GAB1: variants seen among roughly 807,000 people sequenced by gnomAD.
GAB1 encodes GRB2-associated-binding protein 1.
Under a neutral mutation model 66.5 loss-of-function variants are expected in GAB1, and 19 were observed. The observed-to-expected ratio is 0.29, with a 90% CI of 0.20 to 0.42. The LOEUF (loss-of-function observed/expected upper bound fraction) is 0.42, where lower values mean the gene tolerates loss of function less well. Ranked by LOEUF, GAB1 falls within the 10% of genes least tolerant of loss-of-function variation. The pLI, the probability that GAB1 is intolerant of heterozygous loss-of-function variation, is 1.00. For missense variants in GAB1, 732 were observed against 858.5 expected (o/e 0.85, Z 1.84); for synonymous variants, 294 against 301.4 (o/e 0.98, Z 0.25).
chr4:143,362,765 AC>A (rs1182284613), intron 1 of GAB1, among the ~76,000 whole-genome samples: 1 of 152,168 alleles, frequency 6.6e-6, no homozygotes, highest in East Asian at 1.9e-4. Context: ...TGTTTTGTCA[AC>A]AAGGTCTTTG....
chr4:143,453,456 T>G (rs1735026262), intron 6 of GAB1, among the ~76,000 whole-genome samples: 1 of 151,972 alleles, frequency 6.6e-6, no homozygotes, highest in African/African-American at 2.4e-5. Flanking sequence ...CTCATACGAG[T>G]CTCCTTGGAA....
chr4:143,382,840 G>A (rs1181828584), intron 1 of GAB1, among the ~76,000 whole-genome samples: 1 of 152,068 alleles, frequency 6.6e-6, no homozygotes, highest in African/African-American at 2.4e-5. Context: ...TGATGGGTGA[G>A]AGTGCAGAGA....
At chr4:143,412,290 G>C (rs767465186) in intron 1 of GAB1, among the ~76,000 whole-genome samples, 3 of 152,080 alleles carry the variant, frequency 2.0e-5, no homozygotes, top group Non-Finnish European at 4.4e-5. Flanking sequence ...CATGTGTTTT[G>C]GTAAAGTTGT....
chr4:143,397,821 CT>C (rs34158720), intron 1 of GAB1, among the ~76,000 whole-genome samples: 1 of 152,178 alleles, frequency 6.6e-6, no homozygotes, highest in Admixed American at 6.5e-5. Context: ...TGAAATTTGA[CT>C]TTTCTTGCCT....
chr4:143,458,673 T>C (rs1435983364), intron 6 of GAB1, among the ~76,000 whole-genome samples: 1 of 152,058 alleles, frequency 6.6e-6, no homozygotes, highest in East Asian at 1.9e-4. Flanking sequence ...ATGAGGTAAA[T>C]AAAGATCACT....
chr4:143,433,374 C>T, intron 2 of GAB1, 117 bp from the exon 3 acceptor site: 1 of 699,852 alleles, frequency 1.4e-6, no homozygotes, highest in Non-Finnish European at 2.5e-6. Flanking sequence ...TTTTAGCTGA[C>T]ATTGTCATGA....
chr4:143,342,385 T>C (rs1007997138), intron 1 of GAB1, among the ~76,000 whole-genome samples: 32 of 152,178 alleles, frequency 2.1e-4, no homozygotes, highest in African/African-American at 6.3e-4. Context: ...ACTGGTTATT[T>C]CAGTGTATTT....
intron 1 of GAB1, among the ~76,000 whole-genome samples, chr4:143,348,749 C>T (rs1729071560): frequency 6.6e-6 from 1 of 152,144 alleles, no homozygotes; most frequent in African/African-American, 2.4e-5. Flanking sequence ...CTTGCATGGC[C>T]CTTTATGTGG....
At chr4:143,364,826 T>TAGAAGC (rs1440928827) in intron 1 of GAB1, among the ~76,000 whole-genome samples, 9 of 148,590 alleles carry the variant, frequency 6.1e-5, no homozygotes, top group Non-Finnish European at 1.2e-4. Context: ...TGAAAAGGAG[T>TAGAAGC]AGAAGCAGGG....
chr4:143,342,802 A>G (rs1728867991), intron 1 of GAB1, among the ~76,000 whole-genome samples: 2 of 151,642 alleles, frequency 1.3e-5, no homozygotes, highest in African/African-American at 2.4e-5. Context: ...ACCTCAGGTG[A>G]TCCGCCCGCC....
At chr4:143,422,625 G>C (rs966219571) in intron 2 of GAB1, among the ~76,000 whole-genome samples, 1 of 152,142 alleles carries the variant, frequency 6.6e-6, no homozygotes. Flanking sequence ...CAACTTTTGT[G>C]AGGGATACTA....
chr4:143,422,960 A>G (rs1181669921), intron 2 of GAB1, among the ~76,000 whole-genome samples: 2 of 152,250 alleles, frequency 1.3e-5, no homozygotes, highest in African/African-American at 4.8e-5. Flanking sequence ...AGCATTACTT[A>G]GAAAGAGCAG....
intron 8 of GAB1, among the ~76,000 whole-genome samples, chr4:143,460,720 A>T (rs28924069): frequency 2.0e-5 from 3 of 152,108 alleles, no homozygotes; most frequent in African/African-American, 7.2e-5. Flanking sequence ...CAGCAGCACA[A>T]CCCTGTAGTT....
chr4:143,439,656 A>G, intron 4 of GAB1, 146 bp from the exon 5 acceptor site: 1 of 607,146 alleles, frequency 1.6e-6, no homozygotes, highest in Non-Finnish European at 3.0e-6. Flanking sequence ...TTCAAGACAC[A>G]GTTCTATGAG....
intron 1 of GAB1, among the ~76,000 whole-genome samples, chr4:143,398,632 A>G (rs908887304): frequency 1.3e-5 from 2 of 151,996 alleles, no homozygotes; most frequent in Admixed American, 1.3e-4. Flanking sequence ...TGTCTTGAAA[A>G]TATATGTCAC....
intron 8 of GAB1, among the ~76,000 whole-genome samples, chr4:143,461,340 A>G (rs536749937): frequency 1.3e-5 from 2 of 152,310 alleles, no homozygotes; most frequent in South Asian, 4.1e-4. Context: ...GAGAGAGTCA[A>G]TCCAAGGCTG....
Position 143,439,822 on chromosome 4 carries a change from T to C in GAB1, c.1216T>C (p.Tyr406His). ...TTTAGATGCTAGTTCTCAAGACTGC[T>C]ATGATATTCCACGAGCATTTCCAAG... ...LRKDASSQDCYDIPRAFPSDR... is the reference protein window; with the variant it reads ...LRKDASSQDCHDIPRAFPSDR... The change falls in exon 5 of 10, where the codon TAT becomes CAT. Residue 406 changes from tyrosine to histidine, a missense_variant. Transcript: ENST00000262994. 6.2e-7 allele frequency: 1 copy of C among 1,612,890 alleles called. No individual in the cohort carries two copies. Among genetic ancestry groups the C allele is most frequent in the Non-Finnish European group, 8.5e-7 (1 of 1,178,894 alleles).
intron 1 of GAB1, among the ~76,000 whole-genome samples, chr4:143,358,986 T>C (rs1394239466): frequency 4.6e-5 from 7 of 152,238 alleles, no homozygotes; most frequent in African/African-American, 1.7e-4. Flanking sequence ...GTCAGCTTGC[T>C]CCTTAGCTCC....
At chr4:143,409,393 C>CG (rs940853861) in intron 1 of GAB1, among the ~76,000 whole-genome samples, 2 of 149,734 alleles carry the variant, frequency 1.3e-5, no homozygotes, top group African/African-American at 2.5e-5. Context: ...CTTTCCCCCC[C>CG]CCCGCTCTGA....
Sources: gnomAD v4.1 joint callset for allele counts (sites outside exome capture counted in the v4.1 genomes callset) on GRCh38, gnomAD v4.1.1 for gene constraint, MANE v1.5 for transcripts, NCBI Gene and HGNC (gene_info 2026-07-23, HGNC 2026-07-21) for gene names.